CNTN5: variants seen among roughly 807,000 people sequenced by gnomAD.
CNTN5 encodes contactin-5.
Under a neutral mutation model 129.1 loss-of-function variants are expected in CNTN5, and 77 were observed. The observed-to-expected ratio is 0.60, with a 90% CI of 0.50 to 0.72. The LOEUF (loss-of-function observed/expected upper bound fraction) is 0.72. Among genes scored for constraint, CNTN5 ranks in the 30% least tolerant of loss-of-function variants. The probability of loss-of-function intolerance (pLI) is 0.00; values close to 1 mark genes in which losing one functional copy is unlikely to be tolerated. For missense variants in CNTN5, 1,478 were observed against 1,328.8 expected (o/e 1.11, Z -1.75); for synonymous variants, 509 against 465.6 (o/e 1.09, Z -1.20).
At chr11:99,841,277 C>G (rs1565592259) in intron 4 of CNTN5, among the ~76,000 whole-genome samples, 1 of 152,102 alleles carries the variant, frequency 6.6e-6, no homozygotes, top group East Asian at 1.9e-4. Context: ...AGATTAGTCC[C>G]TTATTATTTA....
intron 3 of CNTN5, among the ~76,000 whole-genome samples, chr11:99,631,224 T>C (rs1951336161): frequency 1.3e-5 from 2 of 152,094 alleles, no homozygotes; most frequent in South Asian, 4.1e-4. Context: ...TCTAGAAACA[T>C]AGAATTATTA....
chr11:99,397,564 A>G (rs1941589442), intron 2 of CNTN5, among the ~76,000 whole-genome samples: 1 of 151,822 alleles, frequency 6.6e-6, no homozygotes, highest in African/African-American at 2.4e-5. Flanking sequence ...TTGGATACTC[A>G]TTTTAAGCTT....
At chr11:99,960,272 C>T (rs966580730) in intron 8 of CNTN5, among the ~76,000 whole-genome samples, 2 of 152,038 alleles carry the variant, frequency 1.3e-5, no homozygotes, top group African/African-American at 2.4e-5. Flanking sequence ...TCTTTTAACT[C>T]GAGTCTAATT....
At chr11:99,893,788 T>C (rs974925948) in intron 6 of CNTN5, among the ~76,000 whole-genome samples, 2 of 152,238 alleles carry the variant, frequency 1.3e-5, no homozygotes, top group Admixed American at 1.3e-4. Context: ...ATTGTCTTTA[T>C]CTATCTATAT....
rs186759605 is a variant in CNTN5, at chr11:99,929,790, A to G, written c.673+13641A>G. 2.6e-5 allele frequency among the ~76,000 whole-genome samples: 4 copies of G among 152,308 alleles called. No homozygotes were observed. The East Asian group carries it at 7.7e-4, about 29-fold the overall frequency. On this transcript the variant is annotated intron_variant, in intron 7 of 24. Coordinates refer to ENST00000524871, the MANE Select transcript of CNTN5 (RefSeq NM_014361.4). ...TAAGATGATATTTGGGTGGGGACAC[A>G]GTCAAACCATATCACCTATTGTTAC... is the stretch of plus-strand genomic sequence containing the variant.
intron 3 of CNTN5, among the ~76,000 whole-genome samples, chr11:99,651,822 T>A (rs1011758834): frequency 3.3e-5 from 5 of 151,968 alleles, no homozygotes. Flanking sequence ...ATCCTTTTGT[T>A]TTTTACTTAC....
chr11:99,308,139 GCAGCT>G (rs1275284885), intron 1 of CNTN5, among the ~76,000 whole-genome samples: 4 of 152,160 alleles, frequency 2.6e-5, no homozygotes, highest in Non-Finnish European at 5.9e-5. Flanking sequence ...TCCAGTCTCT[GCAGCT>G]TTTGCTTCCT....
chr11:99,947,555 AT>A (rs1386103560), intron 7 of CNTN5, among the ~76,000 whole-genome samples: 1 of 152,156 alleles, frequency 6.6e-6, no homozygotes, highest in African/African-American at 2.4e-5. Flanking sequence ...TTTTTGAAAA[AT>A]TACATTGAAT....
At chr11:99,895,624 G>A (rs1367883584) in intron 6 of CNTN5, among the ~76,000 whole-genome samples, 1 of 152,148 alleles carries the variant, frequency 6.6e-6, no homozygotes, top group Non-Finnish European at 1.5e-5. Flanking sequence ...GCCGAGGAAA[G>A]CTCCCTAAGT....
chr11:99,953,170 TA>T (rs1170169998), intron 7 of CNTN5, among the ~76,000 whole-genome samples: 1 of 152,202 alleles, frequency 6.6e-6, no homozygotes, highest in Non-Finnish European at 1.5e-5. Flanking sequence ...TTTTTTTTGT[TA>T]ATGGCACTGC....
chr11:99,840,931 C>G (rs781490914), intron 4 of CNTN5, among the ~76,000 whole-genome samples: 1 of 152,072 alleles, frequency 6.6e-6, no homozygotes, highest in African/African-American at 2.4e-5. Flanking sequence ...AAATGTATCT[C>G]AGTATATCTA....
rs1469743426 is a variant in CNTN5 at position 99,402,330 on chromosome 11, T to C, written c.-71+76846T>C. ...TTTATAGTACCAATTAAAATGATCA[T>C]ATGGTTTTTGTCCTACATTCTGTTG... On this transcript the variant is annotated intron_variant, in intron 2 of 24. Transcript: ENST00000524871. Among the ~76,000 whole-genome samples the C allele has an allele frequency of 2.0e-5, 3 of 152,164 alleles. No individual in the cohort carries two copies. The East Asian group carries it at 5.8e-4, about 29-fold the overall frequency.
chr11:99,343,150 A>C (rs1866599241), intron 2 of CNTN5, among the ~76,000 whole-genome samples: 2 of 152,132 alleles, frequency 1.3e-5, no homozygotes, highest in Non-Finnish European at 1.5e-5. Context: ...GGTGGCTGGA[A>C]AGAGAGGAGG....
chr11:99,288,923 C>CTGGGACT (rs1864054928), intron 1 of CNTN5, among the ~76,000 whole-genome samples: 1 of 151,820 alleles, frequency 6.6e-6, no homozygotes, highest in South Asian at 2.1e-4. Flanking sequence ...AGCATCTTTA[C>CTGGGACT]TGGGACTTGG....
At chr11:99,370,158 A>T (rs1469746101) in intron 2 of CNTN5, among the ~76,000 whole-genome samples, 1 of 152,212 alleles carries the variant, frequency 6.6e-6, no homozygotes, top group African/African-American at 2.4e-5. Flanking sequence ...TAGCAAAATG[A>T]AGAAAGCCTG....
At chr11:99,404,388 G>A (rs533520619) in intron 2 of CNTN5, among the ~76,000 whole-genome samples, 2 of 150,940 alleles carry the variant, frequency 1.3e-5, no homozygotes, top group Non-Finnish European at 1.5e-5. Context: ...CTACAATTTT[G>A]TTTTTTGTTT....
intron 1 of CNTN5, among the ~76,000 whole-genome samples, chr11:99,311,995 G>C (rs1037525582): frequency 6.6e-6 from 1 of 152,152 alleles, no homozygotes; most frequent in Non-Finnish European, 1.5e-5. Context: ...TTGGTTGGCT[G>C]TTTTGTTGAC....
chr11:99,631,735 G>A (rs1951361036), intron 3 of CNTN5, among the ~76,000 whole-genome samples: 1 of 137,692 alleles, frequency 7.3e-6, no homozygotes, highest in South Asian at 2.3e-4. Flanking sequence ...CATACAAACT[G>A]AGGTTCAGAG....
chr11:99,518,098 T>C (rs527775887), intron 2 of CNTN5, among the ~76,000 whole-genome samples: 1 of 152,272 alleles, frequency 6.6e-6, no homozygotes, highest in East Asian at 1.9e-4. Context: ...TAATTAATAT[T>C]ACTCAATTCT....
Sources: gnomAD v4.1 joint callset for allele counts (sites outside exome capture counted in the v4.1 genomes callset) on GRCh38, gnomAD v4.1.1 for gene constraint, MANE v1.5 for transcripts, NCBI Gene and HGNC (gene_info 2026-07-23, HGNC 2026-07-21) for gene names.